The following CASD1 variants were observed in gnomAD, a reference collection of about 807,000 sequenced individuals.
CASD1 encodes CAS1 domain sialic acid O acetyltransferase 1.
A neutral mutation model predicts 100.0 loss-of-function variants in CASD1; 41 were observed. The observed-to-expected ratio is 0.41, with a 90% CI of 0.32 to 0.53. CASD1 has a LOEUF of 0.53. CASD1 is among the 20% of genes least tolerant of loss of function. The pLI is 0.25. For synonymous variants in CASD1, 321 were observed against 315.6 expected (o/e 1.02, Z -0.18); for missense variants, 774 against 948.7 (o/e 0.82, Z 2.42).
At chr7:94,585,022 CA>C in the CASD1 span, 1 of 154,938 alleles carries the variant, frequency 6.5e-6, no homozygotes, top group African/African-American at 2.4e-5. Context: ...TATAAAACAA[CA>C]GGATTTACAG....
intron 11 of CASD1, 57 bp downstream of exon 11, chr7:94,544,587 C>A (rs1795585142): frequency 6.4e-7 from 1 of 1,551,764 alleles, no homozygotes; most frequent in African/African-American, 1.4e-5. Flanking sequence ...CTTGAGAAAG[C>A]ATTAACTTGA....
chr7:94,615,827 A>G, the CASD1 span, among the ~76,000 whole-genome samples: 3 of 152,190 alleles, frequency 2.0e-5, no homozygotes, highest in Admixed American at 2.0e-4. Flanking sequence ...CTGGAATGAA[A>G]TATGAACCTG....
At chr7:94,630,377 C>T in the CASD1 span, among the ~76,000 whole-genome samples, 1 of 151,638 alleles carries the variant, frequency 6.6e-6, no homozygotes, top group Non-Finnish European at 1.5e-5. Context: ...TATAAAAATG[C>T]ATTGGATACT....
At chr7:94,570,287 TCTC>T in the CASD1 span, among the ~76,000 whole-genome samples, 1 of 152,116 alleles carries the variant, frequency 6.6e-6, no homozygotes, top group Non-Finnish European at 1.5e-5. Flanking sequence ...TTGATTCCCT[TCTC>T]ACTTCTTTTT....
the CASD1 span, chr7:94,598,781 G>A: frequency 4.5e-5 from 72 of 1,606,586 alleles, no homozygotes; most frequent in Middle Eastern, 3.3e-4. Context: ...TTACTGCTGC[G>A]TTTGCATCAA....
At chr7:94,583,099 C>T in the CASD1 span, among the ~76,000 whole-genome samples, 8 of 152,146 alleles carry the variant, frequency 5.3e-5, no homozygotes, top group Non-Finnish European at 8.8e-5. Context: ...CACTTATTTG[C>T]TATGTATGTA....
At chr7:94,550,874 C>G (rs1306630882) in intron 14 of CASD1, among the ~76,000 whole-genome samples, 2 of 152,088 alleles carry the variant, frequency 1.3e-5, no homozygotes, top group African/African-American at 4.8e-5. Context: ...AGCTCATGTA[C>G]TTTCCGGTCT....
chr7:94,515,524 G>A (rs1793935255), intron 1 of CASD1, among the ~76,000 whole-genome samples: 1 of 151,622 alleles, frequency 6.6e-6, no homozygotes, highest in African/African-American at 2.4e-5. Flanking sequence ...GGCAAAAAAA[G>A]TTATTTGCAT....
At chr7:94,605,405 CAG>C in the CASD1 span, among the ~76,000 whole-genome samples, 2 of 152,076 alleles carry the variant, frequency 1.3e-5, no homozygotes, top group African/African-American at 2.4e-5. Context: ...ATTGATCTAA[CAG>C]ATAACTTGTT....
At chr7:94,618,710 C>A in the CASD1 span, 2 of 1,482,988 alleles carry the variant, frequency 1.3e-6, no homozygotes, top group East Asian at 2.3e-5. Context: ...ATAAGATCAC[C>A]GTATTTAAAA....
chr7:94,547,647 T>C (rs976633556), intron 13 of CASD1, among the ~76,000 whole-genome samples: 1 of 149,808 alleles, frequency 6.7e-6, no homozygotes, highest in South Asian at 2.1e-4. Flanking sequence ...AATAAAACTT[T>C]TGGTCATTTT....
At position 94,555,884 on chromosome 7, in the gene CASD1, C is replaced by A. The variant is rs940186296; in HGVS notation, c.*126C>A. On this transcript the variant is annotated 3_prime_UTR_variant, in exon 18 of 18. Transcript: ENST00000297273. ...AAACGTTTGTGGCAAGAGGACAGTT[C>A]TGTGACATCTGTTGAACATATGTGG... The A allele has an allele frequency of 1.8e-5, 16 of 889,190 alleles. No homozygotes were observed. In the South Asian group the frequency reaches 2.8e-4, roughly 16 times the overall value. The allele number at this position is 889,190 out of a possible 1,614,324, so 55.1% of individuals were successfully genotyped here.
the CASD1 span, among the ~76,000 whole-genome samples, chr7:94,584,127 C>CTTCTT: frequency 6.6e-6 from 1 of 152,352 alleles, no homozygotes; most frequent in South Asian, 2.1e-4. Flanking sequence ...CTCCAAATGG[C>CTTCTT]TTCTTTACTA....
intron 10 of CASD1, among the ~76,000 whole-genome samples, chr7:94,541,118 A>G (rs1460333208): frequency 2.0e-5 from 3 of 152,116 alleles, no homozygotes; most frequent in Non-Finnish European, 4.4e-5. Flanking sequence ...ATAATGATTA[A>G]CTAACATATC....
intron 8 of CASD1, 92 bp from the exon 9 acceptor site, chr7:94,537,380 G>T: frequency 8.9e-7 from 1 of 1,121,198 alleles, no homozygotes; most frequent in Non-Finnish European, 1.3e-6. Context: ...TCTGGTTTCA[G>T]TGCTAAAAAC....
downstream of CASD1, among the ~76,000 whole-genome samples, chr7:94,559,517 T>C (rs1796305620): frequency 6.6e-6 from 1 of 151,982 alleles, no homozygotes; most frequent in South Asian, 2.1e-4. Flanking sequence ...ATACTAAAAT[T>C]GTTTTGCTTT....
intron 5 of CASD1, among the ~76,000 whole-genome samples, chr7:94,530,502 C>T (rs746020391): frequency 3.3e-5 from 5 of 152,072 alleles, no homozygotes; most frequent in Non-Finnish European, 7.4e-5. Flanking sequence ...CTTCTAAATA[C>T]TTCAGGGTGT....
At chr7:94,584,951 G>C in the CASD1 span, 1 of 152,716 alleles carries the variant, frequency 6.5e-6, no homozygotes, top group Admixed American at 6.5e-5. Flanking sequence ...TGCATGAATT[G>C]GGTGTCATCA....
At chr7:94,625,513 C>T in the CASD1 span, 42 of 152,020 alleles carry the variant, frequency 2.8e-4, no homozygotes, top group African/African-American at 8.0e-4. Context: ...TCTCCCCAAC[C>T]AGAAGTAGTC....
Sources: gnomAD v4.1 joint callset for allele counts (sites outside exome capture counted in the v4.1 genomes callset) on GRCh38, gnomAD v4.1.1 for gene constraint, MANE v1.5 for transcripts, NCBI Gene and HGNC (gene_info 2026-07-23, HGNC 2026-07-21) for gene names.